Variants in AHI1 observed in about 807,000 individuals in gnomAD.
AHI1 encodes the protein jouberin.
AHI1 carries 123 observed loss-of-function variants against 149.3 expected under a neutral mutation model. That is an observed-to-expected ratio of 0.82 (90% confidence interval 0.71 to 0.96). AHI1 has a LOEUF of 0.96. Among genes scored for constraint, AHI1 ranks in the 40% least tolerant of loss-of-function variants. The pLI is 0.00. For missense variants in AHI1, 1,439 were observed against 1,422.7 expected (o/e 1.01, Z -0.18); for synonymous variants, 475 against 459.8 (o/e 1.03, Z -0.42).
rs886061109 is a variant in AHI1, at chr6:135,427,168, A to G, written c.2763T>C (p.His921=). ...TTACTTATCAAGTGGTAGACTTACC[A>G]TGGAAATCGTAAATATACAGAAGAA... ...EPILLYIYDF[H]VAQQEAEMFK... is the part of the protein sequence containing the mutation. The change falls in exon 20 of 29, where the codon CAT becomes CAC. Residue 921 remains histidine, a splice_region_variant and synonymous_variant. Coordinates refer to ENST00000265602, the MANE Select transcript of AHI1 (RefSeq NM_001134831.2). 6.2e-7 allele frequency: 1 copy of G among 1,609,280 alleles called. No homozygotes were observed. The highest frequency in any genetic ancestry group is 8.5e-7 in the Non-Finnish European group (1 of 1,176,970).
intron 5 of AHI1, among the ~76,000 whole-genome samples, chr6:135,486,879 C>T (rs1224086389): frequency 1.3e-5 from 2 of 152,036 alleles, no homozygotes; most frequent in East Asian, 1.9e-4. Context: ...GCAATCCTCC[C>T]ACCTCAGCCT....
intron 23 of AHI1, among the ~76,000 whole-genome samples, chr6:135,392,458 C>T (rs1778643543): frequency 6.6e-6 from 1 of 152,208 alleles, no homozygotes; most frequent in Non-Finnish European, 1.5e-5. Flanking sequence ...TCAACCCCTA[C>T]TCTTAAGTCT....
intron 15 of AHI1, among the ~76,000 whole-genome samples, chr6:135,433,534 C>A (rs1218350162): frequency 6.6e-6 from 1 of 151,914 alleles, no homozygotes; most frequent in Non-Finnish European, 1.5e-5. Context: ...TTAAAACCTA[C>A]CTATTTTGCT....
intron 24 of AHI1, among the ~76,000 whole-genome samples, chr6:135,335,973 C>T (rs900599607): frequency 2.0e-5 from 3 of 151,736 alleles, no homozygotes; most frequent in Middle Eastern, 3.2e-3. Context: ...ATTAGCTGGG[C>T]GTGGTGGAGC....
In AHI1 at chr6:135,423,742, T is replaced by C. The variant is rs73562016; in HGVS notation, c.2764+3425A>G. Among the ~76,000 whole-genome samples, 627 of 152,284 alleles carry C rather than the reference T, an allele frequency of 4.1e-3. 2 individuals are homozygous for C. The highest frequency in any genetic ancestry group is 0.014 in the African/African-American group (595 of 41,574). On this transcript the variant is annotated intron_variant, in intron 20 of 28. Coordinates refer to ENST00000265602, the MANE Select transcript of AHI1 (RefSeq NM_001134831.2). ...AAGATTTGTCTTGTCTAAGATACTA[T>C]GACTATGTGTCCTCTGAACCAGAGT...
rs189752248 is a variant in AHI1 at position 135,335,447 on chromosome 6, A to T, written c.3166-12123T>A. 1.7e-3 allele frequency among the ~76,000 whole-genome samples: 247 copies of T among 147,262 alleles called. No individual in the cohort carries two copies. The Middle Eastern group carries it at 0.017, about 10-fold the overall frequency. On this transcript the variant is annotated intron_variant, in intron 24 of 28. Transcript: ENST00000265602. The stretch of plus-strand genomic sequence containing the variant: ...AGAGAATAATGAATAAAAGAAATTT[A>T]AAAAAAAAAACCACTCTCAGAGAGC...
chr6:135,318,316 A>G lies in AHI1; in HGVS notation c.3426+203T>C. ...TAGGCTGTGACTTGGAGTCTACTTT[A>G]ACCTCTCTGGGCCTCCTCAGTTTCC... On this transcript the variant is annotated intron_variant, in intron 26 of 28. Coordinates refer to ENST00000265602, the MANE Select transcript of AHI1 (RefSeq NM_001134831.2). 6.1e-6 allele frequency: 3 copies of G among 492,530 alleles called. No homozygotes were observed. In the South Asian group the frequency reaches 8.0e-5, roughly 13 times the overall value. 30.5% of individuals were successfully genotyped at this position (492,530 alleles called of 1,614,324 possible).
intron 5 of AHI1, among the ~76,000 whole-genome samples, chr6:135,481,666 C>T: frequency 6.8e-6 from 1 of 146,736 alleles, no homozygotes; most frequent in Non-Finnish European, 1.5e-5. Flanking sequence ...TTGTGCTCTT[C>T]TTTTTTGTAA....
chr6:135,301,658 G>A (rs1182774320), intron 26 of AHI1: 5 of 985,280 alleles, frequency 5.1e-6, no homozygotes, highest in Non-Finnish European at 6.0e-6. Context: ...ATAAAAACAA[G>A]AATTAAAGAG....
intron 24 of AHI1, among the ~76,000 whole-genome samples, chr6:135,345,561 G>A (rs1033112770): frequency 2.6e-5 from 4 of 152,076 alleles, no homozygotes; most frequent in African/African-American, 9.7e-5. Flanking sequence ...AGTGAAAAAA[G>A]ACAGACACAA....
chr6:135,476,343 T>G (rs1173532695), intron 5 of AHI1, among the ~76,000 whole-genome samples: 1 of 151,830 alleles, frequency 6.6e-6, no homozygotes, highest in African/African-American at 2.4e-5. Flanking sequence ...CTTTTACATT[T>G]AAAATTTTTA....
At chr6:135,357,588 ATGTACAG>A (rs903914679) in intron 24 of AHI1, among the ~76,000 whole-genome samples, 5 of 152,262 alleles carry the variant, frequency 3.3e-5, no homozygotes, top group Non-Finnish European at 5.9e-5. Context: ...GGATTAGGGA[ATGTACAG>A]TGTACTCTAT....
At chr6:135,492,610 T>C (rs1199454570) in intron 3 of AHI1, 1 of 985,448 alleles carries the variant, frequency 1.0e-6, no homozygotes, top group South Asian at 4.7e-5. Flanking sequence ...AATACATTAA[T>C]GAACATTTCA....
At chr6:135,318,183 C>T (rs1786264602) in intron 26 of AHI1, among the ~76,000 whole-genome samples, 1 of 152,348 alleles carries the variant, frequency 6.6e-6, no homozygotes, top group Middle Eastern at 3.4e-3. Flanking sequence ...GTTTACCTCT[C>T]AGGTGGGGCT....
rs149466865 is a variant in AHI1, at chr6:135,417,872, A to G, written c.2765-6328T>C. 2.0e-5 allele frequency among the ~76,000 whole-genome samples: 3 copies of G among 152,148 alleles called. No homozygotes were observed. The East Asian group carries it at 5.8e-4, about 29-fold the overall frequency. ...CCAGCCTCCACAAATACATACATCA[A>G]CTTGTATCAGACTATATAGATTTCA... On this transcript the variant is annotated intron_variant, in intron 20 of 28. Coordinates refer to ENST00000265602, the MANE Select transcript of AHI1 (RefSeq NM_001134831.2).
intron 20 of AHI1, among the ~76,000 whole-genome samples, chr6:135,425,501 C>T (rs1274450648): frequency 6.6e-6 from 1 of 151,846 alleles, no homozygotes; most frequent in African/African-American, 2.4e-5. Context: ...ATGGGCATAA[C>T]AACCCATTTT....
At chr6:135,296,643 C>T (rs1388473080) in intron 27 of AHI1, among the ~76,000 whole-genome samples, 2 of 152,212 alleles carry the variant, frequency 1.3e-5, no homozygotes, top group Non-Finnish European at 1.5e-5. Context: ...CAGGCCTTCT[C>T]TCATGCTCCG....
rs918741089 is a variant in AHI1, at chr6:135,326,255, T to C, written c.3166-2931A>G. 4.3e-4 allele frequency among the ~76,000 whole-genome samples: 65 copies of C among 152,220 alleles called. 1 individual carries two copies. Among genetic ancestry groups the C allele is most frequent in the African/African-American group, 1.5e-3 (61 of 41,556 alleles). ...AGGTAATTCATGTTAAATGAAATCATAGGGGTGGGGCCTGGATTAACAGGA... is the reference window on the plus strand; with the variant it reads ...AGGTAATTCATGTTAAATGAAATCACAGGGGTGGGGCCTGGATTAACAGGA... On this transcript the variant is annotated intron_variant, in intron 24 of 28. Transcript: ENST00000265602.
At chr6:135,453,225 C>A (rs980354312) in intron 11 of AHI1, 116 bp downstream of exon 11, 12 of 818,386 alleles carry the variant, frequency 1.5e-5, no homozygotes, top group Admixed American at 9.2e-5. Context: ...CTCTTCATCC[C>A]TACAACATTA....
Sources: gnomAD v4.1 joint callset for allele counts (sites outside exome capture counted in the v4.1 genomes callset) on GRCh38, gnomAD v4.1.1 for gene constraint, MANE v1.5 for transcripts, NCBI Gene and HGNC (gene_info 2026-07-23, HGNC 2026-07-21) for gene names.